Variants in STK33 observed in about 807,000 individuals in gnomAD.
The protein encoded by STK33 is serine/threonine-protein kinase 33.
Under a neutral mutation model 58.0 loss-of-function variants are expected in STK33, and 52 were observed. The observed-to-expected ratio is 0.90, with a 90% confidence interval of 0.72 to 1.13. STK33 has a LOEUF of 1.13. Among genes scored for constraint, STK33 ranks in the 50% most tolerant of loss-of-function variants. The pLI, the probability that STK33 is intolerant of heterozygous loss-of-function variation, is 0.00. For synonymous variants in STK33, 215 were observed against 200.1 expected, an observed-to-expected ratio of 1.07 and a Z score of -0.63; for missense variants, 630 against 604.2, an observed-to-expected ratio of 1.04 and a Z score of -0.45.
chr11:8,366,236 C>T, the STK33 span, among the ~76,000 whole-genome samples: 1 of 152,208 alleles, frequency 6.6e-6, no homozygotes, highest in Non-Finnish European at 1.5e-5. Flanking sequence ...CTTGGAGGAG[C>T]AGGAGTTTGC....
intron 15 of STK33, among the ~76,000 whole-genome samples, chr11:8,400,136 T>G (rs1369949565): frequency 6.6e-6 from 1 of 152,214 alleles, no homozygotes; most frequent in Non-Finnish European, 1.5e-5. Context: ...AGCATCATCC[T>G]GATACCAAAG....
intron 1 of STK33, among the ~76,000 whole-genome samples, chr11:8,517,250 A>G (rs1591581020): frequency 6.6e-6 from 1 of 152,324 alleles, no homozygotes; most frequent in East Asian, 1.9e-4. Context: ...GCAAACTCCA[A>G]CAGACCTGCA....
chr11:8,435,643 A>T (rs1262348638), intron 13 of STK33, 64 bp from the exon 14 acceptor site: 10 of 1,017,620 alleles, frequency 9.8e-6, no homozygotes, highest in Non-Finnish European at 1.4e-5. Flanking sequence ...TACATTTTAC[A>T]ATTTTTTAGG....
chr11:8,533,974 T>C (rs1043012986), intron 1 of STK33, among the ~76,000 whole-genome samples: 2 of 152,184 alleles, frequency 1.3e-5, no homozygotes, highest in Non-Finnish European at 2.9e-5. Context: ...TCCATGTTTA[T>C]GCCCTCAAAC....
chr11:8,549,650 A>T (rs114896558), intron 1 of STK33, among the ~76,000 whole-genome samples: 1,860 of 152,230 alleles, frequency 0.012, 38 homozygotes, highest in African/African-American at 0.042. Context: ...TTGCTGCTTC[A>T]ATCTCATAAC....
intron 11 of STK33, among the ~76,000 whole-genome samples, chr11:8,446,466 T>C (rs1056467342): frequency 2.6e-5 from 4 of 152,106 alleles, no homozygotes; most frequent in Non-Finnish European, 5.9e-5. Flanking sequence ...ATTGGGATGT[T>C]AGGGTGTCGA....
At position 8,485,659 on chromosome 11, in the gene STK33, C is replaced by T. The variant is rs550595112; in HGVS notation, c.-465-5045G>A. On this transcript the variant is annotated intron_variant, in intron 1 of 15. Coordinates refer to ENST00000687296, the MANE Select transcript of STK33 (RefSeq NM_001352389.2). ...GTTGACCAGTTTAATCACTGAATCT[C>T]AATAGGAAATACAAGGCTAGGCTCA... 1.8e-4 allele frequency among the ~76,000 whole-genome samples: 27 copies of T among 152,220 alleles called. No individual in the cohort carries two copies. In the South Asian group the frequency reaches 5.6e-3, roughly 32 times the overall value.
In STK33 at chr11:8,436,039, T is replaced by C. The variant is rs375602911; in HGVS notation, c.1048A>G (p.Ile350Val). Residue 350 changes from isoleucine (I) to valine (V), a missense_variant, in exon 13 of 16, where the codon ATA becomes GTA. Coordinates refer to ENST00000687296, the MANE Select transcript of STK33 (RefSeq NM_001352389.2). Reference protein sequence around the residue: ...LHFENAVWNSISDCAKSVLKQ... With the variant: ...LHFENAVWNSVSDCAKSVLKQ... ...CATCTATACTTACCACAGTCACTTA[T>C]GGAATTCCAGACTGCATTTTCAAAA... is the stretch of plus-strand genomic sequence containing the variant. 7.0e-6 allele frequency: 11 copies of C among 1,579,198 alleles called. No individual in the cohort carries two copies. The highest frequency in any genetic ancestry group is 8.6e-6 in the Non-Finnish European group (10 of 1,162,896).
At chr11:8,352,397 C>T in the STK33 span, among the ~76,000 whole-genome samples, 2 of 152,098 alleles carry the variant, frequency 1.3e-5, no homozygotes, top group African/African-American at 4.8e-5. Flanking sequence ...GTGGCAGCCC[C>T]AAGGGGCTCA....
intron 1 of STK33, among the ~76,000 whole-genome samples, chr11:8,568,008 AAG>A (rs1957560231): frequency 6.6e-6 from 1 of 152,176 alleles, no homozygotes; most frequent in Admixed American, 6.5e-5. Flanking sequence ...CTCTTTTTCC[AAG>A]GAAAATCCAA....
chr11:8,397,141 T>A (rs1236197174), intron 15 of STK33, among the ~76,000 whole-genome samples: 1 of 152,212 alleles, frequency 6.6e-6, no homozygotes, highest in Non-Finnish European at 1.5e-5. Context: ...CAGCTGGACA[T>A]CTGAGAATGG....
chr11:8,503,107 T>G (rs554964699), intron 1 of STK33, among the ~76,000 whole-genome samples: 17 of 152,256 alleles, frequency 1.1e-4, no homozygotes, highest in African/African-American at 4.1e-4. Context: ...AGCAATCCCA[T>G]TATTAGGTAT....
intron 4 of STK33, 47 bp from the exon 5 acceptor site, chr11:8,475,113 T>C (rs1174456354): frequency 2.2e-6 from 1 of 446,954 alleles, no homozygotes; most frequent in Non-Finnish European, 3.9e-6. Context: ...CTTAACCTAT[T>C]ACCATCCTGG....
At chr11:8,579,258 A>G (rs538313593) in intron 1 of STK33, among the ~76,000 whole-genome samples, 38 of 152,086 alleles carry the variant, frequency 2.5e-4, no homozygotes, top group African/African-American at 7.9e-4. Flanking sequence ...TTAAATCTAA[A>G]CCTTTCAGTG....
chr11:8,354,474 T>TCACACACACACACACACACACACACACA, the STK33 span, among the ~76,000 whole-genome samples: 92 of 124,752 alleles, frequency 7.4e-4, 2 homozygotes, highest in Middle Eastern at 4.2e-3. Flanking sequence ...CTGCAAAACC[T>TCACACACACACACACACACACACACACA]CACACACACA....
At chr11:8,383,962 C>T in the STK33 span, among the ~76,000 whole-genome samples, 4 of 152,192 alleles carry the variant, frequency 2.6e-5, no homozygotes, top group African/African-American at 9.6e-5. Flanking sequence ...TGATCTGCTC[C>T]AACCCTTAAA....
intron 1 of STK33, among the ~76,000 whole-genome samples, chr11:8,576,925 A>C (rs557376787): frequency 3.9e-5 from 6 of 152,316 alleles, no homozygotes; most frequent in African/African-American, 1.4e-4. Flanking sequence ...AAGACATGAA[A>C]GAATTGCTCT....
intron 1 of STK33, among the ~76,000 whole-genome samples, chr11:8,524,215 G>A (rs959655101): frequency 1.3e-5 from 2 of 152,028 alleles, no homozygotes; most frequent in African/African-American, 4.8e-5. Flanking sequence ...GAAAATCAGA[G>A]ACCCTTATTC....
chr11:8,497,230 T>C (rs998300292), intron 1 of STK33, among the ~76,000 whole-genome samples: 1 of 152,102 alleles, frequency 6.6e-6, no homozygotes, highest in African/African-American at 2.4e-5. Context: ...TGAAAAACAT[T>C]AGTCTGCACA....
Sources: gnomAD v4.1 joint callset for allele counts (sites outside exome capture counted in the v4.1 genomes callset) on GRCh38, gnomAD v4.1.1 for gene constraint, MANE v1.5 for transcripts, NCBI Gene and HGNC (gene_info 2026-07-23, HGNC 2026-07-21) for gene names.